The following SYNJ1 variants were observed in gnomAD, a reference collection of about 807,000 sequenced individuals.
The protein encoded by SYNJ1 is synaptojanin 1, also known as polyphosphatidylinositol phosphatase SYNJ1.
Under a neutral mutation model 168.2 loss-of-function variants are expected in SYNJ1, and 78 were observed. The ratio of observed to expected loss-of-function variants is 0.46; its 90% CI spans 0.39 to 0.56. SYNJ1 has a LOEUF of 0.56. SYNJ1 is among the 20% of genes least tolerant of loss of function. SYNJ1 has a pLI of 0.00. For synonymous variants in SYNJ1, 539 were observed against 548.6 expected (o/e 0.98, Z 0.24); for missense variants, 1,303 against 1,597.6 (o/e 0.82, Z 3.14).
chr21:32,706,706 T>A (rs991508304), intron 2 of SYNJ1, among the ~76,000 whole-genome samples: 1 of 152,108 alleles, frequency 6.6e-6, no homozygotes, highest in Non-Finnish European at 1.5e-5. Flanking sequence ...TGTTATTCCC[T>A]CCCTGTACAT....
chr21:32,688,286 C>G lies in SYNJ1; in HGVS notation c.851+20G>C, dbSNP rs778826127. 1.9e-6 allele frequency: 3 copies of G among 1,608,988 alleles called. No individual in the cohort carries two copies. The African/African-American group carries it at 4.0e-5, about 22-fold the overall frequency. On this transcript the variant is annotated intron_variant, in intron 7 of 32. Coordinates refer to ENST00000674351, the MANE Select transcript of SYNJ1 (RefSeq NM_203446.3). ...CTTAGCAATATCAAAACTTAAAGCACTATGTAAAAATTGTCTTACCTGTCA... is the reference window on the plus strand; with the variant it reads ...CTTAGCAATATCAAAACTTAAAGCAGTATGTAAAAATTGTCTTACCTGTCA...
intron 18 of SYNJ1, among the ~76,000 whole-genome samples, chr21:32,659,094 TAA>T (rs75107237): frequency 8.1e-5 from 11 of 135,758 alleles, no homozygotes; most frequent in African/African-American, 5.4e-5. Context: ...TCCTTTTACC[TAA>T]AAAAAAAAAA....
intron 11 of SYNJ1, among the ~76,000 whole-genome samples, chr21:32,679,232 T>C (rs974206415): frequency 6.6e-6 from 1 of 152,110 alleles, no homozygotes; most frequent in Non-Finnish European, 1.5e-5. Flanking sequence ...CTAGAAAAAC[T>C]TCAAATTACT....
chr21:32,689,552 C>A (rs980979162), intron 6 of SYNJ1, among the ~76,000 whole-genome samples: 1 of 152,234 alleles, frequency 6.6e-6, no homozygotes, highest in African/African-American at 2.4e-5. Context: ...GCCTCAGCCT[C>A]CCAAAGTGCT....
rs1336276738 is a variant in SYNJ1 at position 32,646,703 on chromosome 21, T to G, written c.3038-101A>C. On this transcript the variant is annotated intron_variant, in intron 23 of 32. Transcript: ENST00000674351. ...AAAGTTAAAATACACAAAACAAATA[T>G]GAACATTATGTCATTGCAAACACAC... The G allele has an allele frequency of 3.7e-6, 3 of 800,920 alleles. No homozygotes were observed. The Admixed American group carries it at 6.5e-5, about 17-fold the overall frequency. 49.6% of individuals were successfully genotyped at this position (800,920 alleles called of 1,614,324 possible). A position where few individuals can be genotyped will look rare whatever the true frequency, so the allele number is the denominator to read the frequency against.
chr21:32,652,982 GC>G (rs2040328838), intron 22 of SYNJ1, among the ~76,000 whole-genome samples: 1 of 152,112 alleles, frequency 6.6e-6, no homozygotes, highest in Non-Finnish European at 1.5e-5. Context: ...ATACAGATAA[GC>G]CAGACTACCC....
chr21:32,642,260 G>T, intron 27 of SYNJ1, 127 bp from the exon 28 acceptor site: 1 of 998,910 alleles, frequency 1.0e-6, no homozygotes, highest in Non-Finnish European at 1.5e-6. Context: ...ACAAAACAAA[G>T]CACTTTGCTT....
rs757751911 is a variant in SYNJ1 at position 32,645,637 on chromosome 21, G to C, written c.3391+9C>G. On this transcript the variant is annotated intron_variant, in intron 25 of 32. Transcript: ENST00000674351. ...ACATCTAGCAGAAATGGAAATAAAA[G>C]GTTGTCACCTGAAGGCGGAGGAGGT... 1.4e-5 allele frequency: 21 copies of C among 1,524,980 alleles called. No homozygotes were observed. Among genetic ancestry groups the C allele is most frequent in the Non-Finnish European group, 8.7e-7 (1 of 1,143,356 alleles). The allele number at this position is 1,524,980 out of a possible 1,614,324, so 94.5% of individuals were successfully genotyped here.
chr21:32,694,451 G>A (rs2042133414), intron 5 of SYNJ1, 140 bp from the exon 6 acceptor site: 2 of 574,482 alleles, frequency 3.5e-6, no homozygotes, highest in Admixed American at 8.7e-5. Flanking sequence ...TCCAAAACAG[G>A]CCACTATACA....
intron 6 of SYNJ1, among the ~76,000 whole-genome samples, 187 bp downstream of exon 6, chr21:32,694,041 A>G (rs549479660): frequency 6.6e-4 from 100 of 152,356 alleles, no homozygotes; most frequent in African/African-American, 2.3e-3. Flanking sequence ...AAAGAGCATT[A>G]AAAGAAAAAA....
At chr21:32,649,815 T>C (rs1288166110) in intron 23 of SYNJ1, among the ~76,000 whole-genome samples, 2 of 152,242 alleles carry the variant, frequency 1.3e-5, no homozygotes, top group Non-Finnish European at 2.9e-5. Context: ...AGTGGCACAA[T>C]CTCGGCTCAC....
At chr21:32,639,462 G>A (rs543243413) in intron 30 of SYNJ1, among the ~76,000 whole-genome samples, 7 of 152,248 alleles carry the variant, frequency 4.6e-5, no homozygotes, top group Non-Finnish European at 7.4e-5. Flanking sequence ...TGTGATCACG[G>A]CTTACCACAG....
In SYNJ1 at chr21:32,664,960, A is replaced by G. The variant is rs774540388; in HGVS notation, c.2257T>C (p.Ser753Pro). 1 of 1,613,518 alleles carries G rather than the reference A, an allele frequency of 6.2e-7. No individual in the cohort carries two copies. Among genetic ancestry groups the G allele is most frequent in the South Asian group, 1.1e-5 (1 of 91,020 alleles). The stretch of plus-strand genomic sequence containing the variant: ...ATAAGTTGATCTCCTGCTATAAGAG[A>G]ATCCCAATTTTGCTGTCTTATGAGC... ...KELIRQQNWD[S>P]LIAGDQLINQ... The change falls in exon 18 of 33, where the codon TCT becomes CCT. Residue 753 changes from serine to proline, a missense_variant. Ser to Pro is a moderately conservative substitution (Grantham distance 74, BLOSUM62 -1). Coordinates refer to ENST00000674351, the MANE Select transcript of SYNJ1 (RefSeq NM_203446.3).
chr21:32,653,814 C>G (rs1467315213), intron 21 of SYNJ1: 1 of 152,220 alleles, frequency 6.6e-6, no homozygotes, highest in Non-Finnish European at 1.5e-5. Context: ...TTCCTATGAT[C>G]AAAAAAGATG....
chr21:32,652,565 A>G (rs974939217), intron 22 of SYNJ1, among the ~76,000 whole-genome samples: 1 of 152,228 alleles, frequency 6.6e-6, no homozygotes, highest in Non-Finnish European at 1.5e-5. Context: ...AGCTCAGGAC[A>G]GTGCTCACAG....
At chr21:32,638,795 T>G in intron 31 of SYNJ1, 113 bp downstream of exon 31, 5 of 1,030,998 alleles carry the variant, frequency 4.8e-6, no homozygotes, top group Non-Finnish European at 6.9e-6. Flanking sequence ...AAAAGAAAAT[T>G]AAAACTCGTA....
chr21:32,715,200 C>T lies in SYNJ1; in HGVS notation c.124+11572G>A, dbSNP rs145521926. Among the ~76,000 whole-genome samples, 45 of 152,236 alleles carry T rather than the reference C, an allele frequency of 3.0e-4. 1 individual carries two copies. The highest frequency in any genetic ancestry group is 6.2e-4 in the South Asian group (3 of 4,812). Reference sequence around the variant, plus strand: ...AATAAAAACAAAAAGAGGCCGGGCACGGTGGCTCACGCCTGTAACCCCAGC... The same window carrying T: ...AATAAAAACAAAAAGAGGCCGGGCATGGTGGCTCACGCCTGTAACCCCAGC... On this transcript the variant is annotated intron_variant, in intron 2 of 32. Coordinates refer to ENST00000674351, the MANE Select transcript of SYNJ1 (RefSeq NM_203446.3).
At position 32,631,122 on chromosome 21, in the gene SYNJ1, A is replaced by G. The variant is rs2039305085; in HGVS notation, c.*683T>C. 5 of 1,614,092 alleles carry G rather than the reference A, an allele frequency of 3.1e-6. No individual in the cohort carries two copies. The African/African-American group carries it at 6.7e-5, about 22-fold the overall frequency. ...TGGAGGAGGTCTTCTTGACGGCAACACACAGAAGGAGACATTTGTACCTTT... is the reference window on the plus strand; with the variant it reads ...TGGAGGAGGTCTTCTTGACGGCAACGCACAGAAGGAGACATTTGTACCTTT... On this transcript the variant is annotated 3_prime_UTR_variant, in exon 33 of 33. Coordinates refer to ENST00000674351, the MANE Select transcript of SYNJ1 (RefSeq NM_203446.3).
chr21:32,721,547 G>C (rs546006042), intron 2 of SYNJ1, among the ~76,000 whole-genome samples: 2 of 151,700 alleles, frequency 1.3e-5, no homozygotes, highest in Non-Finnish European at 2.9e-5. Context: ...GGTGTGGTGG[G>C]GGGCGCCTGT....
Sources: gnomAD v4.1 joint callset for allele counts (sites outside exome capture counted in the v4.1 genomes callset) on GRCh38, gnomAD v4.1.1 for gene constraint, MANE v1.5 for transcripts, NCBI Gene and HGNC (gene_info 2026-07-23, HGNC 2026-07-21) for gene names.